The following CALCR variants were observed in gnomAD, a reference collection of about 807,000 sequenced individuals.
CALCR encodes the protein calcitonin receptor.
Under a neutral mutation model 59.5 loss-of-function variants are expected in CALCR, and 47 were observed. That is an observed-to-expected ratio of 0.79 (90% CI 0.63 to 1.01). The LOEUF is 1.01. Among genes scored for constraint, CALCR ranks in the 50% least tolerant of loss-of-function variants. CALCR has a pLI of 0.00. For synonymous variants in CALCR, 213 were observed against 211.3 expected (o/e 1.01, Z -0.07); for missense variants, 566 against 597.1 (o/e 0.95, Z 0.54).
At chr7:93,429,868 A>G (rs1799611423) in intron 13 of CALCR, among the ~76,000 whole-genome samples, 1 of 146,706 alleles carries the variant, frequency 6.8e-6, no homozygotes. Flanking sequence ...AAAAAAAAAC[A>G]CTTTAAATTC....
intron 2 of CALCR, among the ~76,000 whole-genome samples, chr7:93,568,116 C>T (rs1027050289): frequency 1.6e-4 from 24 of 152,028 alleles, no homozygotes; most frequent in African/African-American, 5.6e-4. Context: ...CACATGCAAA[C>T]GCACACAGCT....
At chr7:93,535,385 T>G (rs898408645) in intron 2 of CALCR, among the ~76,000 whole-genome samples, 1 of 151,780 alleles carries the variant, frequency 6.6e-6, no homozygotes, top group Non-Finnish European at 1.5e-5. Flanking sequence ...TATTTCTCCA[T>G]GTAAGCTTAA....
chr7:93,427,041 C>T lies in CALCR; in HGVS notation c.1192-452G>A, dbSNP rs543155702. Among the ~76,000 whole-genome samples the T allele has an allele frequency of 2.4e-4, 37 of 152,230 alleles. No homozygotes were observed. In the South Asian group the frequency reaches 7.2e-3, roughly 30 times the overall value. On this transcript the variant is annotated intron_variant, in intron 13 of 13. Transcript: ENST00000426151. ...GTTCTGGATTTTATGATAATGGCCT[C>T]GTACAGTGAACTTTTCCTTGTCCGA...
intron 2 of CALCR, among the ~76,000 whole-genome samples, chr7:93,489,097 A>C (rs554790759): frequency 6.6e-6 from 1 of 152,152 alleles, no homozygotes; most frequent in South Asian, 2.1e-4. Flanking sequence ...ATTAGAACTC[A>C]GGACTAAAAA....
intron 7 of CALCR, among the ~76,000 whole-genome samples, chr7:93,466,948 G>T (rs750165057): frequency 2.6e-5 from 4 of 151,668 alleles, no homozygotes; most frequent in Non-Finnish European, 5.9e-5. Context: ...AGTGACTGGA[G>T]AAATAAAGAA....
At chr7:93,452,834 A>AAAC (rs200097895) in intron 8 of CALCR, among the ~76,000 whole-genome samples, 2,028 of 149,030 alleles carry the variant, frequency 0.014, 54 homozygotes, top group South Asian at 0.07. Flanking sequence ...TTAAAAAACA[A>AAAC]AACAACAACA....
At chr7:93,475,317 A>G (rs1440264859) in intron 5 of CALCR, among the ~76,000 whole-genome samples, 1 of 151,808 alleles carries the variant, frequency 6.6e-6, no homozygotes, top group Non-Finnish European at 1.5e-5. Context: ...AGAAAACTTA[A>G]AACTGTAAAT....
At chr7:93,543,793 A>G (rs928873301) in intron 2 of CALCR, among the ~76,000 whole-genome samples, 64 of 152,270 alleles carry the variant, frequency 4.2e-4, no homozygotes, top group African/African-American at 1.4e-3. Flanking sequence ...AACCAAAATT[A>G]TAACACACAT....
intron 2 of CALCR, among the ~76,000 whole-genome samples, chr7:93,500,250 A>G (rs1008736009): frequency 5.3e-5 from 8 of 151,944 alleles, no homozygotes; most frequent in Non-Finnish European, 1.2e-4. Context: ...AGCTTGGTCT[A>G]GTAGGGGTAG....
chr7:93,569,808 A>T (rs947009858), intron 2 of CALCR, among the ~76,000 whole-genome samples: 1 of 152,112 alleles, frequency 6.6e-6, no homozygotes, highest in Admixed American at 6.5e-5. Flanking sequence ...GGATGAAGGA[A>T]GGTAAGATTT....
chr7:93,565,883 G>A (rs1420585660), intron 2 of CALCR, among the ~76,000 whole-genome samples: 1 of 152,112 alleles, frequency 6.6e-6, no homozygotes, highest in Non-Finnish European at 1.5e-5. Flanking sequence ...TCAGACTTAA[G>A]GTTAGAAACA....
chr7:93,568,341 T>C (rs1789913484), intron 2 of CALCR, among the ~76,000 whole-genome samples: 1 of 151,980 alleles, frequency 6.6e-6, no homozygotes, highest in Admixed American at 6.6e-5. Flanking sequence ...ACAATCAGTG[T>C]CTCCATTTCC....
intron 8 of CALCR, among the ~76,000 whole-genome samples, chr7:93,449,508 T>C (rs1196717680): frequency 2.6e-5 from 4 of 152,052 alleles, no homozygotes; most frequent in African/African-American, 9.7e-5. Flanking sequence ...CTGCTGCCTC[T>C]TCCATCTCCA....
At chr7:93,532,541 A>G (rs1243016493) in intron 2 of CALCR, among the ~76,000 whole-genome samples, 1 of 152,036 alleles carries the variant, frequency 6.6e-6, no homozygotes, top group Non-Finnish European at 1.5e-5. Context: ...GTAATGAGAA[A>G]GCTACATAAT....
chr7:93,515,932 T>A (rs139720823), intron 2 of CALCR, among the ~76,000 whole-genome samples: 1,801 of 152,098 alleles, frequency 0.012, 45 homozygotes, highest in South Asian at 0.068. Context: ...TATGTATAAA[T>A]GGATCTAAAA....
chr7:93,526,511 T>C (rs1801880403), intron 2 of CALCR, among the ~76,000 whole-genome samples: 1 of 84,792 alleles, frequency 1.2e-5, no homozygotes, highest in South Asian at 3.6e-4. Context: ...AAAATATAGA[T>C]TGCAATTTAT....
chr7:93,521,835 A>G (rs1259569875), intron 2 of CALCR, among the ~76,000 whole-genome samples: 2 of 152,184 alleles, frequency 1.3e-5, no homozygotes, highest in East Asian at 3.9e-4. Flanking sequence ...GAATTAAATA[A>G]TTCTTTCTCT....
rs1489577183 is a variant in CALCR, at chr7:93,495,791, C to T, written c.-26-8784G>A. 5.3e-6 allele frequency: 5 copies of T among 945,256 alleles called. No homozygotes were observed. The East Asian group carries it at 1.4e-4, about 26-fold the overall frequency. 58.6% of individuals were successfully genotyped at this position (945,256 alleles called of 1,614,324 possible). On this transcript the variant is annotated intron_variant, in intron 2 of 13. Transcript: ENST00000426151. ...CCAGATCAATGTGGAGCCTAAAAAT[C>T]TGATTGTTGTGGCTGATTTAGAACA...
At chr7:93,564,150 GTC>G (rs1789807595) in intron 2 of CALCR, among the ~76,000 whole-genome samples, 3 of 151,988 alleles carry the variant, frequency 2.0e-5, no homozygotes, top group South Asian at 4.2e-4. Flanking sequence ...TTTCACACTT[GTC>G]TCTGTTTAGA....
Sources: allele counts gnomAD v4.1 joint callset (sites outside exome capture counted in the v4.1 genomes callset), GRCh38; gene constraint gnomAD v4.1.1; transcripts MANE v1.5; gene names NCBI Gene and HGNC (gene_info 2026-07-23, HGNC 2026-07-21).